Variants in SCUBE2 observed in about 807,000 individuals in gnomAD.
The protein encoded by SCUBE2 is signal peptide, CUB domain and EGF like domain containing 2.
SCUBE2 carries 114 observed loss-of-function variants against 125.9 expected under a neutral mutation model. The observed-to-expected ratio is 0.91, with a 90% CI of 0.78 to 1.06. The LOEUF is 1.06. Ranked by LOEUF, SCUBE2 falls within the 50% of genes least tolerant of loss-of-function variation. SCUBE2 has a pLI of 0.00. For synonymous variants in SCUBE2, 459 were observed against 492.9 expected, an observed-to-expected ratio of 0.93 and a Z score of 0.91; for missense variants, 1,255 against 1,301.8, an observed-to-expected ratio of 0.96 and a Z score of 0.55.
intron 17 of SCUBE2, among the ~76,000 whole-genome samples, chr11:9,032,460 G>A (rs1463331556): frequency 6.6e-6 from 1 of 152,156 alleles, no homozygotes; most frequent in Admixed American, 6.5e-5. Flanking sequence ...TAGGCCGGGT[G>A]CAGTGGCTCA....
intron 4 of SCUBE2, among the ~76,000 whole-genome samples, chr11:9,070,743 CA>C: frequency 6.6e-6 from 1 of 152,328 alleles, no homozygotes; most frequent in Admixed American, 6.5e-5. Context: ...CCAGAGCTGT[CA>C]AACTGTGCTT....
intron 1 of SCUBE2, among the ~76,000 whole-genome samples, chr11:9,090,888 G>C (rs1235811325): frequency 1.3e-5 from 2 of 152,214 alleles, no homozygotes; most frequent in African/African-American, 2.4e-5. Context: ...ACCTAGGCTT[G>C]TTGCTGCTTC....
In SCUBE2 at chr11:9,033,620, C is replaced by T; in HGVS notation, c.2173+6G>A. ...AGGAGTAGGAAGGAACAGACAGCATCCTTACCTCCACATTCAGACATATTC... is the reference window on the plus strand; with the variant it reads ...AGGAGTAGGAAGGAACAGACAGCATTCTTACCTCCACATTCAGACATATTC... On this transcript the variant is annotated splice_donor_region_variant and intron_variant, in intron 17 of 22. Coordinates refer to ENST00000649792, the MANE Select transcript of SCUBE2 (RefSeq NM_001367977.2). The T allele has an allele frequency of 6.2e-7, 1 of 1,613,030 alleles. No homozygotes were observed. The highest frequency in any genetic ancestry group is 8.5e-7 in the Non-Finnish European group (1 of 1,179,600).
At chr11:9,074,387 T>C (rs893676626) in intron 4 of SCUBE2, 94 bp downstream of exon 4, 2 of 1,486,396 alleles carry the variant, frequency 1.3e-6, no homozygotes, top group Non-Finnish European at 1.8e-6. Flanking sequence ...TTCTATACCC[T>C]GTGCTTCCCC....
chr11:9,089,984 G>C (rs1369022134), intron 1 of SCUBE2, among the ~76,000 whole-genome samples, 155 bp from the exon 2 acceptor site: 2 of 151,862 alleles, frequency 1.3e-5, no homozygotes, highest in African/African-American at 2.4e-5. Flanking sequence ...AACTGTTTCT[G>C]GGTCCCTGTT....
intron 16 of SCUBE2, among the ~76,000 whole-genome samples, chr11:9,043,342 G>T (rs1857413136): frequency 6.6e-6 from 1 of 151,906 alleles, no homozygotes; most frequent in Non-Finnish European, 1.5e-5. Flanking sequence ...TTATCTTTTA[G>T]CTGGTATTAT....
intron 2 of SCUBE2, among the ~76,000 whole-genome samples, chr11:9,081,684 A>C (rs10840169): frequency 0.74 from 111,655 of 151,788 alleles, 43,892 homozygotes; most frequent in Non-Finnish European, 0.88. Context: ...AAAAAAAAAA[A>C]ACCAAAAATA....
At chr11:9,055,452 A>G (rs897290345) in intron 10 of SCUBE2, among the ~76,000 whole-genome samples, 1 of 152,116 alleles carries the variant, frequency 6.6e-6, no homozygotes, top group Non-Finnish European at 1.5e-5. Flanking sequence ...TGACTTTACT[A>G]TCTGCTGAGA....
rs115655358 is a variant in SCUBE2 at position 9,068,428 on chromosome 11, T to G, written c.643+942A>C. On this transcript the variant is annotated intron_variant, in intron 5 of 22. Transcript: ENST00000649792. ...ACACAAGTGTACTGAGCATATCCCA[T>G]AGCAGGTACCAGGGGAGGACTGAGA... 2.4e-3 allele frequency among the ~76,000 whole-genome samples: 368 copies of G among 152,162 alleles called. 3 individuals carry two copies. Among genetic ancestry groups the G allele is most frequent in the African/African-American group, 8.6e-3 (355 of 41,486 alleles).
At chr11:9,080,871 G>GA (rs1283728541) in intron 2 of SCUBE2, among the ~76,000 whole-genome samples, 26 of 151,254 alleles carry the variant, frequency 1.7e-4, no homozygotes, top group Non-Finnish European at 2.9e-4. Context: ...ATAAAGAACT[G>GA]AAAAAAAACT....
At position 9,033,410 on chromosome 11, in the gene SCUBE2, C is replaced by T. The variant is rs189744414; in HGVS notation, c.2173+216G>A. Among the ~76,000 whole-genome samples, 5 of 152,326 alleles carry T rather than the reference C, an allele frequency of 3.3e-5. No homozygotes were observed. In the East Asian group the frequency reaches 7.7e-4, roughly 24 times the overall value. On this transcript the variant is annotated intron_variant, in intron 17 of 22. Transcript: ENST00000649792. ...TACGCTCTTCTGCTAGTGTATTCTA[C>T]CCCATCTTCATTTATTTGCTCAAAT...
intron 16 of SCUBE2, 77 bp from the exon 17 acceptor site, chr11:9,033,873 G>A (rs1856533130): frequency 8.3e-6 from 12 of 1,447,156 alleles, no homozygotes; most frequent in Middle Eastern, 1.8e-4. Flanking sequence ...AGAGATGAAG[G>A]CAAATAGATG....
intron 6 of SCUBE2, 65 bp from the exon 7 acceptor site, chr11:9,066,045 A>G: frequency 9.0e-7 from 1 of 1,105,976 alleles, no homozygotes; most frequent in Non-Finnish European, 1.4e-6. Flanking sequence ...TCCCCATACA[A>G]CTGTGTTTGC....
chr11:9,053,683 C>T lies in SCUBE2; in HGVS notation c.1284G>A (p.Gln428=), dbSNP rs147596107. ...CVNTVGSYEC[Q]CHPGYKLHWN... is the part of the protein sequence containing the mutation. ...AGTGGAGCTTGTACCCAGGGTGGCA[C>T]TGGCATTCATAGCTGCCCACTGTGT... The change falls in exon 11 of 23, where the codon CAG becomes CAA. Residue 428 remains glutamine, a synonymous_variant. Coordinates refer to ENST00000649792, the MANE Select transcript of SCUBE2 (RefSeq NM_001367977.2). 57 of 1,614,206 alleles carry T rather than the reference C, an allele frequency of 3.5e-5. No homozygotes were observed. The African/African-American group carries it at 4.5e-4, about 13-fold the overall frequency.
chr11:9,079,876 G>A (rs1487602027), intron 2 of SCUBE2, among the ~76,000 whole-genome samples: 3 of 152,226 alleles, frequency 2.0e-5, no homozygotes, highest in East Asian at 1.9e-4. Context: ...TCTGTAATAC[G>A]TTATCTTCAT....
intron 16 of SCUBE2, among the ~76,000 whole-genome samples, chr11:9,045,312 TTACTG>T (rs1404247171): frequency 6.6e-6 from 1 of 152,176 alleles, no homozygotes; most frequent in African/African-American, 2.4e-5. Context: ...ACTTTCATCT[TTACTG>T]TATACATTTC....
intron 16 of SCUBE2, among the ~76,000 whole-genome samples, chr11:9,047,074 G>T (rs907688472): frequency 8.4e-5 from 9 of 106,908 alleles, no homozygotes; most frequent in African/African-American, 2.9e-4. Context: ...CTTCTTTCCT[G>T]TTCCTCAAGT....
At chr11:9,077,970 A>G (rs1036632830) in intron 3 of SCUBE2, among the ~76,000 whole-genome samples, 1 of 151,188 alleles carries the variant, frequency 6.6e-6, no homozygotes, top group Non-Finnish European at 1.5e-5. Flanking sequence ...ACCTTATACT[A>G]CCCCCCGCCA....
Position 9,020,535 on chromosome 11 carries a change from C to T in SCUBE2, c.*510G>A, listed in dbSNP as rs1481729438. 2.0e-5 allele frequency: 3 copies of T among 152,132 alleles called. No homozygotes were observed. The highest frequency in any genetic ancestry group is 2.9e-5 in the Non-Finnish European group (2 of 68,060). The allele number at this position is 152,132 out of a possible 1,614,324, so 9.4% of individuals were successfully genotyped here. ...GTGGAGAAACTGAGTCCTCCCAGGT[C>T]TCAAGGTGGGTGGAGGGAGCCTGCA... On this transcript the variant is annotated 3_prime_UTR_variant, in exon 23 of 23. Coordinates refer to ENST00000649792, the MANE Select transcript of SCUBE2 (RefSeq NM_001367977.2).
Sources: gnomAD v4.1 joint callset for allele counts (sites outside exome capture counted in the v4.1 genomes callset) on GRCh38, gnomAD v4.1.1 for gene constraint, MANE v1.5 for transcripts, NCBI Gene and HGNC (gene_info 2026-07-23, HGNC 2026-07-21) for gene names.